SCARF2: variants seen among roughly 807,000 people sequenced by gnomAD.
SCARF2 encodes the protein scavenger receptor class F member 2.
In SCARF2, 39 loss-of-function variants were observed where a neutral mutation model predicts 73.4. The observed-to-expected ratio is 0.53, with a 90% confidence interval of 0.41 to 0.69. SCARF2 has a LOEUF of 0.69. Ranked by LOEUF, SCARF2 falls within the 30% of genes least tolerant of loss-of-function variation. The pLI is 0.00. For missense variants in SCARF2, 1,148 were observed against 1,303.5 expected, an observed-to-expected ratio of 0.88 and a Z score of 1.84; for synonymous variants, 605 against 590.0, an observed-to-expected ratio of 1.03 and a Z score of -0.37.
chr22:20,427,310 C>T, intron 10 of SCARF2, 88 bp downstream of exon 10: 1 of 1,513,908 alleles, frequency 6.6e-7, no homozygotes, highest in African/African-American at 1.4e-5. Context: ...ATGCTGCCTG[C>T]CCTTCTCCTG....
Position 20,429,441 on chromosome 22 carries a change from C to CGGGGCA in SCARF2, c.1424+89_1424+94dup. ...AGCACAGAAGGGGCGGGGCCACGTC[C>CGGGGCA]GGGGCAGGGGCGCGGAAGGGTTGGA... On this transcript the variant is annotated intron_variant, in intron 8 of 10. Coordinates refer to ENST00000622235, the MANE Select transcript of SCARF2 (RefSeq NM_182895.5). The surrounding 1 kb of genome is among the most constrained non-coding windows in gnomAD (Gnocchi z 5.2). 4 of 1,567,850 alleles carry CGGGGCA rather than the reference C, an allele frequency of 2.6e-6. No homozygotes were observed. Among genetic ancestry groups the CGGGGCA allele is most frequent in the Non-Finnish European group, 3.5e-6 (4 of 1,158,836 alleles).
chr22:20,427,336 A>C, intron 10 of SCARF2, 62 bp downstream of exon 10: 1 of 1,601,474 alleles, frequency 6.2e-7, no homozygotes, highest in South Asian at 1.1e-5. Context: ...CACCCAGAAC[A>C]CAGCTTTTCC....
Position 20,429,656 on chromosome 22 carries a change from G to A in SCARF2, c.1307-3C>T. ...CACGCCCTTGCGCTGGTTGGTTTCT[G>A]TAGGGGGTTATGGGGTCAGCGCGGT... is the stretch of plus-strand genomic sequence containing the variant. On this transcript the variant is annotated splice_polypyrimidine_tract_variant and splice_region_variant and intron_variant, in intron 7 of 10. Transcript: ENST00000622235. The surrounding 1 kb of genome is among the most constrained non-coding windows in gnomAD (Gnocchi z 5.2). 1.2e-6 allele frequency: 2 copies of A among 1,613,984 alleles called. No individual in the cohort carries two copies. The highest frequency in any genetic ancestry group is 8.5e-7 in the Non-Finnish European group (1 of 1,179,944).
At position 20,425,643 on chromosome 22, in the gene SCARF2, G is replaced by A; in HGVS notation, c.2333C>T (p.Thr778Ile). 2 of 1,293,672 alleles carry A rather than the reference G, an allele frequency of 1.5e-6. No homozygotes were observed. Among genetic ancestry groups the A allele is most frequent in the Non-Finnish European group, 2.0e-6 (2 of 1,022,952 alleles). 80.1% of individuals were successfully genotyped at this position (1,293,672 alleles called of 1,614,324 possible). Residue 778 changes from threonine to isoleucine, a missense_variant, in exon 11 of 11, where the codon ACT (threonine) becomes ATT (isoleucine). Transcript: ENST00000622235. The surrounding 1 kb of genome is among the most constrained non-coding windows in gnomAD (Gnocchi z 4.6). ...CACCTCGGCGCGGCCCAGGCTGCGAGTCTTGCCGCGCAGCTCAGCGGCCAA... is the reference window on the plus strand; with the variant it reads ...CACCTCGGCGCGGCCCAGGCTGCGAATCTTGCCGCGCAGCTCAGCGGCCAA... ...SMLAAELRGK[T>I]RSLGRAEVAL...
chr22:20,436,779 G>C (rs993295293), intron 1 of SCARF2, among the ~76,000 whole-genome samples: 2 of 152,092 alleles, frequency 1.3e-5, no homozygotes, highest in Non-Finnish European at 2.9e-5. Flanking sequence ...CCAGCCCACC[G>C]GCTCCCCCGA....
chr22:20,431,883 A>AGGGGCGGGGCCG, intron 2 of SCARF2, 37 bp from the exon 3 acceptor site: 1 of 1,530,534 alleles, frequency 6.5e-7, no homozygotes, highest in Non-Finnish European at 9.0e-7. Flanking sequence ...TGCGCGTCCT[A>AGGGGCGGGGCCG]GCCCCGCCCC....
rs555257845 is a variant in SCARF2, at chr22:20,430,307, G to A, written c.1202+122C>T. 285 of 1,208,682 alleles carry A rather than the reference G, an allele frequency of 2.4e-4. 1 individual carries two copies. The highest frequency in any genetic ancestry group is 1.0e-3 in the Admixed American group (39 of 39,060). The allele number at this position is 1,208,682 out of a possible 1,614,324, so 74.9% of individuals were successfully genotyped here. On this transcript the variant is annotated intron_variant, in intron 6 of 10. Coordinates refer to ENST00000622235, the MANE Select transcript of SCARF2 (RefSeq NM_182895.5). ...AAGAGCCTACTGTCACTCCCTAGCT[G>A]GGGTAAGGGACCAAGGCTGAGGTGA...
Position 20,429,475 on chromosome 22 carries a change from C to T in SCARF2, c.1424+61G>A. The T allele has an allele frequency of 6.3e-7, 1 of 1,597,780 alleles. No homozygotes were observed. The highest frequency in any genetic ancestry group is 8.5e-7 in the Non-Finnish European group (1 of 1,174,090). ...GGCGCGGAAGGGTTGGATCTGGGTC[C>T]GGTGGCACCCAGAGGGTGCGGCCTG... is the stretch of plus-strand genomic sequence containing the variant. On this transcript the variant is annotated intron_variant, in intron 8 of 10. Coordinates refer to ENST00000622235, the MANE Select transcript of SCARF2 (RefSeq NM_182895.5). The surrounding 1 kb of genome is among the most constrained non-coding windows in gnomAD (Gnocchi z 5.2).
In SCARF2 at chr22:20,430,560, TG is replaced by T; in HGVS notation, c.1074-4del. On this transcript the variant is annotated splice_region_variant and splice_polypyrimidine_tract_variant and intron_variant, in intron 5 of 10. Transcript: ENST00000622235. ...CATTGCTACACTTGGTCTCGCACCT[TG>T]GAAAGAGGGGAGGAGGCGTCAGCAG... is the stretch of plus-strand genomic sequence containing the variant. 1 of 1,611,950 alleles carries T rather than the reference TG, an allele frequency of 6.2e-7. No homozygotes were observed. Among genetic ancestry groups the T allele is most frequent in the Non-Finnish European group, 8.5e-7 (1 of 1,179,372 alleles).
chr22:20,436,465 G>T (rs1277770595), intron 1 of SCARF2, among the ~76,000 whole-genome samples: 1 of 152,020 alleles, frequency 6.6e-6, no homozygotes, highest in Non-Finnish European at 1.5e-5. Flanking sequence ...CGAAGCAGAT[G>T]GCGGGCCAGG....
intron 4 of SCARF2, 52 bp downstream of exon 4, chr22:20,430,966 C>G: frequency 6.4e-7 from 1 of 1,563,118 alleles, no homozygotes; most frequent in Non-Finnish European, 8.6e-7. Context: ...CTGTCCCCAT[C>G]GGCGGCCCGC....
Position 20,430,677 on chromosome 22 carries a change from C to T in SCARF2, c.1073+13G>A. On this transcript the variant is annotated intron_variant, in intron 5 of 10. Transcript: ENST00000622235. ...GACTGCGTGTCTGGGCCGACGCAGG[C>T]AGGGCTGCTCACCGGTCGCCGATCC... 1 of 1,596,420 alleles carries T rather than the reference C, an allele frequency of 6.3e-7. No individual in the cohort carries two copies. Among genetic ancestry groups the T allele is most frequent in the Non-Finnish European group, 8.5e-7 (1 of 1,172,290 alleles).
intron 1 of SCARF2, among the ~76,000 whole-genome samples, chr22:20,433,939 C>T (rs556417580): frequency 1.2e-4 from 19 of 152,320 alleles, no homozygotes; most frequent in East Asian, 7.7e-4. Flanking sequence ...GGAATTGCCC[C>T]GGAAGCACTA....
At position 20,426,094 on chromosome 22, in the gene SCARF2, G is replaced by T. The variant is rs1373444843; in HGVS notation, c.1882C>A (p.Arg628=). The T allele has an allele frequency of 6.7e-7, 1 of 1,498,780 alleles. No individual in the cohort carries two copies. The highest frequency in any genetic ancestry group is 2.6e-5 in the East Asian group (1 of 38,536). The allele number at this position is 1,498,780 out of a possible 1,614,324, so 92.8% of individuals were successfully genotyped here. The change falls in exon 11 of 11, where the codon CGA becomes AGA. Residue 628 remains arginine (R), a synonymous_variant. Coordinates refer to ENST00000622235, the MANE Select transcript of SCARF2 (RefSeq NM_182895.5). ...GCCCGGGCCGGCCGGGCCTCGCGTC[G>T]GGCCACGCGCGCGTACAGAGCCCCT... is the stretch of plus-strand genomic sequence containing the variant. ...PGGALYARVA[R]REARPARARG... is the part of the protein sequence containing the mutation.
At position 20,425,925 on chromosome 22, in the gene SCARF2, G is replaced by T; in HGVS notation, c.2051C>A (p.Pro684Gln). 1 of 1,596,912 alleles carries T rather than the reference G, an allele frequency of 6.3e-7. No homozygotes were observed. Among genetic ancestry groups the T allele is most frequent in the South Asian group, 1.1e-5 (1 of 89,484 alleles). Reference protein sequence around the residue: ...AAAAGRAPSPPPPGSEAAPSP... With the variant: ...AAAAGRAPSPQPPGSEAAPSP... ...GGGCGCGGCCTCGGAGCCTGGCGGC[G>T]GTGGTGAGGGCGCACGGCCAGCTGC... Residue 684 changes from proline to glutamine, a missense_variant, in exon 11 of 11, where the codon CCG (proline) becomes CAG (glutamine). This residue lies in a region of SCARF2 where 437 missense variants were observed against 433.6 expected (regional missense o/e 1.01). Coordinates refer to ENST00000622235, the MANE Select transcript of SCARF2 (RefSeq NM_182895.5). The surrounding 1 kb of genome is among the most constrained non-coding windows in gnomAD (Gnocchi z 4.6).
At position 20,429,886 on chromosome 22, in the gene SCARF2, C is replaced by T; in HGVS notation, c.1203-53G>A. 6.4e-7 allele frequency: 1 copy of T among 1,559,896 alleles called. No individual in the cohort carries two copies. Among genetic ancestry groups the T allele is most frequent in the East Asian group, 2.3e-5 (1 of 42,982 alleles). On this transcript the variant is annotated intron_variant, in intron 6 of 10. Transcript: ENST00000622235. The surrounding 1 kb of genome is among the most constrained non-coding windows in gnomAD (Gnocchi z 5.2). ...CACAGCCGCCCCCCTAGGATGCCCC[C>T]TACCCTCACCCCTCACCCGCGGCCA...
intron 1 of SCARF2, among the ~76,000 whole-genome samples, chr22:20,436,375 C>G (rs2052698608): frequency 2.0e-5 from 3 of 152,144 alleles, no homozygotes; most frequent in Admixed American, 2.0e-4. Flanking sequence ...CTCCCCCTCT[C>G]CAGGCACCGC....
chr22:20,430,503 G>T lies in SCARF2; in HGVS notation c.1128C>A (p.Cys376Ter). Residue 376 changes from cysteine to a stop codon, truncating the protein, a stop_gained, in exon 6 of 11, where the codon TGC (cysteine) becomes TGA (stop). Transcript: ENST00000622235. LOFTEE classifies it high-confidence loss of function. ...GTYGEDCAFVCADCGSGHCDF... is the reference protein window; with the variant it reads ...GTYGEDCAFV ...CGCAGTGTCCGCTGCCGCAGTCGGC[G>T]CACACGAAGGCGCAGTCCTCGCCGT... 6.2e-7 allele frequency: 1 copy of T among 1,604,014 alleles called. No homozygotes were observed. Among genetic ancestry groups the T allele is most frequent in the Non-Finnish European group, 8.5e-7 (1 of 1,175,954 alleles).
chr22:20,425,273 C>T lies in SCARF2; in HGVS notation c.*102G>A, dbSNP rs1319199. 86,148 of 1,030,404 alleles carry T rather than the reference C, an allele frequency of 0.084. 7,022 individuals are homozygous for T. Among genetic ancestry groups the T allele is most frequent in the East Asian group, 0.48 (14,714 of 30,572 alleles). 63.8% of individuals were successfully genotyped at this position (1,030,404 alleles called of 1,614,324 possible). A position where few individuals can be genotyped will look rare whatever the true frequency, so the allele number is the denominator to read the frequency against. ...GCAACCTCCGCTAGCCGCGCGGTGC[C>T]CGGCCAATAGGAGGCCGCCCGTGCC... On this transcript the variant is annotated 3_prime_UTR_variant, in exon 11 of 11. Transcript: ENST00000622235. This position sits in a 1 kb window ranked among gnomAD's most constrained non-coding sequence, Gnocchi z 4.6.
Sources: gnomAD v4.1 joint callset for allele counts (sites outside exome capture counted in the v4.1 genomes callset) on GRCh38, gnomAD v4.1.1 for gene constraint, gnomAD v4.1.1 regional missense constraint, Gnocchi (gnomAD v3.1) non-coding constraint, MANE v1.5 for transcripts, NCBI Gene and HGNC (gene_info 2026-07-23, HGNC 2026-07-21) for gene names.